RBM33: variants seen among roughly 807,000 people sequenced by gnomAD.
The protein encoded by RBM33 is RNA-binding protein 33.
In RBM33, 28 loss-of-function variants were observed where a neutral mutation model predicts 132.6. The ratio of observed to expected loss-of-function variants is 0.21; its 90% CI spans 0.16 to 0.29. The LOEUF is 0.29. RBM33 is among the 10% of genes least tolerant of loss of function. RBM33 has a pLI of 1.00. For missense variants in RBM33, 1,291 were observed against 1,518.5 expected (o/e 0.85, Z 2.49); for synonymous variants, 634 against 593.0 (o/e 1.07, Z -1.01).
chr7:155,739,231 G>A lies in RBM33; in HGVS notation c.1738-484G>A, dbSNP rs571511089. The A allele has an allele frequency of 3.9e-5, 6 of 152,322 alleles. 1 individual carries two copies. The highest frequency in any genetic ancestry group is 1.4e-4 in the African/African-American group (6 of 41,468). The allele number at this position is 152,322 out of a possible 1,614,324, so 9.4% of individuals were successfully genotyped here. ...CTCGTTACCTAGAAACAATTCAGGAGCTTTTTTTTTTGTCTTTTTTTAAAT... is the reference window on the plus strand; with the variant it reads ...CTCGTTACCTAGAAACAATTCAGGAACTTTTTTTTTTGTCTTTTTTTAAAT... On this transcript the variant is annotated intron_variant, in intron 11 of 17. Transcript: ENST00000401878.
At chr7:155,714,693 G>A (rs4716900) in intron 8 of RBM33, among the ~76,000 whole-genome samples, 36,772 of 151,904 alleles carry the variant, frequency 0.24, 4,680 homozygotes, top group African/African-American at 0.33. Context: ...AGAAGGTGAA[G>A]GAACTCAAGG....
intron 8 of RBM33, among the ~76,000 whole-genome samples, chr7:155,716,002 T>G (rs1800449451): frequency 6.6e-6 from 1 of 152,242 alleles, no homozygotes; most frequent in Admixed American, 6.5e-5. Flanking sequence ...TTAACTTGTT[T>G]CCAGGTTTTT....
intron 1 of RBM33, among the ~76,000 whole-genome samples, chr7:155,661,128 G>GTATATATA (rs1241148227): frequency 7.3e-5 from 6 of 82,152 alleles, no homozygotes; most frequent in East Asian, 6.2e-4. Context: ...GTGTGTGTGT[G>GTATATATA]TGTATATATA....
intron 7 of RBM33, among the ~76,000 whole-genome samples, chr7:155,708,513 A>T (rs569359809): frequency 3.9e-5 from 6 of 152,342 alleles, no homozygotes; most frequent in Non-Finnish European, 8.8e-5. Context: ...CCCACAAAGA[A>T]GGGAAGAGCA....
intron 7 of RBM33, among the ~76,000 whole-genome samples, chr7:155,710,024 C>G (rs960345769): frequency 6.6e-6 from 1 of 152,148 alleles, no homozygotes; most frequent in Non-Finnish European, 1.5e-5. Flanking sequence ...CTTCTTTACC[C>G]TCGTTCATCT....
chr7:155,646,513 C>T (rs1204850021), intron 1 of RBM33, among the ~76,000 whole-genome samples: 1 of 152,186 alleles, frequency 6.6e-6, no homozygotes, highest in African/African-American at 2.4e-5. Context: ...ATGACTTGGT[C>T]CCTGCCTACC....
chr7:155,679,885 T>C (rs1362052172), intron 4 of RBM33, among the ~76,000 whole-genome samples: 1 of 152,238 alleles, frequency 6.6e-6, no homozygotes, highest in Non-Finnish European at 1.5e-5. Flanking sequence ...GGAAATGTTA[T>C]CTTGCACCTT....
In RBM33 at chr7:155,748,975, GTA is replaced by G. The variant is rs529033845; in HGVS notation, c.2979+3376_2979+3377del. On this transcript the variant is annotated intron_variant, in intron 14 of 17. Transcript: ENST00000401878. Reference sequence around the variant, plus strand: ...GTTGGCTGCTCTGAAATTTCTTGCTGTATAGAGATTGGAGCCTTTCTCTAGGA... The same window carrying G: ...GTTGGCTGCTCTGAAATTTCTTGCTGTAGAGATTGGAGCCTTTCTCTAGGA... 1.6e-3 allele frequency among the ~76,000 whole-genome samples: 239 copies of G among 152,294 alleles called. 2 individuals carry two copies. The highest frequency in any genetic ancestry group is 4.8e-3 in the African/African-American group (198 of 41,550).
intron 9 of RBM33, among the ~76,000 whole-genome samples, chr7:155,728,872 A>G (rs918773626): frequency 1.3e-5 from 2 of 152,216 alleles, no homozygotes; most frequent in African/African-American, 4.8e-5. Context: ...CTAACCGTAT[A>G]CTAAGTGAAG....
chr7:155,734,472 T>C (rs1184583816), intron 9 of RBM33, among the ~76,000 whole-genome samples: 1 of 152,224 alleles, frequency 6.6e-6, no homozygotes, highest in Admixed American at 6.5e-5. Flanking sequence ...ATTTTGTATT[T>C]GTAAGCTAAA....
intron 6 of RBM33, among the ~76,000 whole-genome samples, chr7:155,702,552 G>T (rs1799996659): frequency 6.6e-6 from 1 of 152,160 alleles, no homozygotes; most frequent in Non-Finnish European, 1.5e-5. Context: ...ACAGAAGGAT[G>T]AAAATAAACA....
intron 3 of RBM33, among the ~76,000 whole-genome samples, chr7:155,675,293 C>CAAAAAA (rs71881256): frequency 3.9e-5 from 5 of 128,866 alleles, no homozygotes; most frequent in African/African-American, 6.2e-5. Context: ...GACTCCGTCT[C>CAAAAAA]AAAAAAAAAA....
At chr7:155,700,164 GAAA>G (rs1278936179) in intron 5 of RBM33, among the ~76,000 whole-genome samples, 1 of 152,032 alleles carries the variant, frequency 6.6e-6, no homozygotes, top group Non-Finnish European at 1.5e-5. Context: ...CATGACTGAA[GAAA>G]AAAAGTTTCT....
At chr7:155,662,814 G>A (rs1322550571) in intron 1 of RBM33, among the ~76,000 whole-genome samples, 1 of 152,138 alleles carries the variant, frequency 6.6e-6, no homozygotes, top group African/African-American at 2.4e-5. Context: ...GTAGGTGGGG[G>A]TGGGATGGAA....
chr7:155,768,573 T>C (rs1802299290), intron 16 of RBM33, among the ~76,000 whole-genome samples: 1 of 152,232 alleles, frequency 6.6e-6, no homozygotes, highest in Non-Finnish European at 1.5e-5. Flanking sequence ...TATTCATTCC[T>C]TTGGGCCTTT....
chr7:155,675,079 G>C (rs1441653378), intron 3 of RBM33, among the ~76,000 whole-genome samples: 1 of 152,110 alleles, frequency 6.6e-6, no homozygotes, highest in Admixed American at 6.5e-5. Flanking sequence ...AGCTGAGGCA[G>C]GTGGACCACT....
At position 155,687,385 on chromosome 7, in the gene RBM33, C is replaced by T. The variant is rs945940697; in HGVS notation, c.567+6477C>T. On this transcript the variant is annotated intron_variant, in intron 5 of 17. Transcript: ENST00000401878. ...TACATTCTGGATATTAGCCCTTTGT[C>T]AGATGAGTAGATTGCAAAAATTTTC... Among the ~76,000 whole-genome samples the T allele has an allele frequency of 1.2e-4, 18 of 152,324 alleles. 2 individuals carry two copies. The highest frequency in any genetic ancestry group is 4.1e-4 in the African/African-American group (17 of 41,568).
At chr7:155,668,671 A>G (rs1798864628) in intron 2 of RBM33, among the ~76,000 whole-genome samples, 2 of 152,222 alleles carry the variant, frequency 1.3e-5, no homozygotes, top group South Asian at 2.1e-4. Context: ...TAGAGATTAC[A>G]TAGAAAAGAC....
chr7:155,715,864 C>G (rs1437643048), intron 8 of RBM33, among the ~76,000 whole-genome samples: 1 of 152,184 alleles, frequency 6.6e-6, no homozygotes, highest in African/African-American at 2.4e-5. Flanking sequence ...TTCTCAGAGC[C>G]TTACACAGAT....
Sources: allele counts gnomAD v4.1 joint callset (sites outside exome capture counted in the v4.1 genomes callset), GRCh38; gene constraint gnomAD v4.1.1; transcripts MANE v1.5; gene names NCBI Gene and HGNC (gene_info 2026-07-23, HGNC 2026-07-21).